Variants in PEX7 observed in about 807,000 individuals in gnomAD.
The protein encoded by PEX7 is PTS2 receptor.
Under a neutral mutation model 47.5 loss-of-function variants are expected in PEX7, and 34 were observed. That is an observed-to-expected ratio of 0.72 (90% CI 0.54 to 0.95). PEX7 has a LOEUF of 0.95. PEX7 is among the 40% of genes least tolerant of loss of function. PEX7 has a pLI of 0.00. For missense variants in PEX7, 394 were observed against 400.3 expected (o/e 0.98, Z 0.13); for synonymous variants, 141 against 148.8 (o/e 0.95, Z 0.38).
chr6:136,878,110 A>G (rs933230684), intron 8 of PEX7, among the ~76,000 whole-genome samples: 10 of 151,994 alleles, frequency 6.6e-5, no homozygotes, highest in South Asian at 6.2e-4. Flanking sequence ...GTGTTTGTCT[A>G]TTATTGGTGC....
At chr6:136,860,027 A>AC (rs908401395) in intron 5 of PEX7, among the ~76,000 whole-genome samples, 2 of 151,756 alleles carry the variant, frequency 1.3e-5, no homozygotes, top group African/African-American at 4.8e-5. Context: ...AAAAAAAAAA[A>AC]GAAAAAAAAA....
At chr6:136,828,251 A>G (rs1774233427) in intron 3 of PEX7, among the ~76,000 whole-genome samples, 1 of 152,214 alleles carries the variant, frequency 6.6e-6, no homozygotes, top group Non-Finnish European at 1.5e-5. Flanking sequence ...GAGATAAGTA[A>G]GTAATGAATA....
Position 136,900,081 on chromosome 6 carries a change from G to A in PEX7, c.903+1840G>A, listed in dbSNP as rs192432795. ...TAGAACCTGTGGCAGCAGCTGCAGC[G>A]CCTCCATTTCCTCAGCTATGGCGCT... On this transcript the variant is annotated intron_variant, in intron 9 of 9. Coordinates refer to ENST00000318471, the MANE Select transcript of PEX7 (RefSeq NM_000288.4). The surrounding 1 kb of genome is among the most constrained non-coding windows in gnomAD (Gnocchi z 4.2). 1.2e-3 allele frequency among the ~76,000 whole-genome samples: 177 copies of A among 152,280 alleles called. No homozygotes were observed. Among genetic ancestry groups the A allele is most frequent in the African/African-American group, 3.1e-3 (130 of 41,556 alleles).
At chr6:136,859,830 C>T (rs1774925182) in intron 5 of PEX7, among the ~76,000 whole-genome samples, 1 of 152,042 alleles carries the variant, frequency 6.6e-6, no homozygotes. Flanking sequence ...TGAGACCAGC[C>T]TGACCAACAT....
chr6:136,861,758 A>G (rs893356374), intron 5 of PEX7, among the ~76,000 whole-genome samples: 1 of 151,496 alleles, frequency 6.6e-6, no homozygotes, highest in Non-Finnish European at 1.5e-5. Context: ...GCCCCAGGAC[A>G]CATTCTGTTT....
Position 136,900,449 on chromosome 6 carries a change from G to T in PEX7, c.903+2208G>T. On this transcript the variant is annotated intron_variant, in intron 9 of 9. Coordinates refer to ENST00000318471, the MANE Select transcript of PEX7 (RefSeq NM_000288.4). The surrounding 1 kb of genome is among the most constrained non-coding windows in gnomAD (Gnocchi z 4.2). Reference sequence around the variant, plus strand: ...TTGGCAGTGTGAGCCACAGACTTGGGACCAAGGACATTGCCCCCCCAGTGA... The same window carrying T: ...TTGGCAGTGTGAGCCACAGACTTGGTACCAAGGACATTGCCCCCCCAGTGA... 1 of 448,082 alleles carries T rather than the reference G, an allele frequency of 2.2e-6. No individual in the cohort carries two copies. The highest frequency in any genetic ancestry group is 1.7e-5 in the South Asian group (1 of 58,870). The allele number at this position is 448,082 out of a possible 1,614,324, so 27.8% of individuals were successfully genotyped here.
chr6:136,862,087 G>C (rs986353433), intron 5 of PEX7, among the ~76,000 whole-genome samples: 8 of 139,342 alleles, frequency 5.7e-5, no homozygotes, highest in South Asian at 2.2e-4. Context: ...TTTTTGGGGG[G>C]ACAGAAACTT....
chr6:136,903,869 A>G (rs1193226381), intron 9 of PEX7, among the ~76,000 whole-genome samples: 1 of 147,212 alleles, frequency 6.8e-6, no homozygotes, highest in Non-Finnish European at 1.5e-5. Flanking sequence ...ATGAGGTCTC[A>G]CTGTGTTGCC....
At chr6:136,828,515 A>T (rs757572120) in intron 3 of PEX7, among the ~76,000 whole-genome samples, 2 of 152,228 alleles carry the variant, frequency 1.3e-5, no homozygotes, top group African/African-American at 4.8e-5. Flanking sequence ...AAGTGGCAAG[A>T]CCAGGTCCAG....
At chr6:136,880,122 C>G (rs1025741888) in intron 8 of PEX7, among the ~76,000 whole-genome samples, 25 of 150,560 alleles carry the variant, frequency 1.7e-4, no homozygotes, top group African/African-American at 6.1e-4. Context: ...TTCTACTTCA[C>G]TATTTTTTTT....
Position 136,846,703 on chromosome 6 carries a change from A to G in PEX7, c.526+522A>G, listed in dbSNP as rs532199782. Among the ~76,000 whole-genome samples the G allele has an allele frequency of 8.5e-5, 13 of 152,278 alleles. No individual in the cohort carries two copies. The East Asian group carries it at 2.3e-3, about 27-fold the overall frequency. On this transcript the variant is annotated intron_variant, in intron 5 of 9. Coordinates refer to ENST00000318471, the MANE Select transcript of PEX7 (RefSeq NM_000288.4). ...CTTTTTTATGGCTGCATAGTATTCC[A>G]TGGTGTATATGTGCCACATTTTCTT...
At chr6:136,882,175 CTTTTTTTTTTTTT>C (rs35653586) in intron 8 of PEX7, among the ~76,000 whole-genome samples, 1 of 104,324 alleles carries the variant, frequency 9.6e-6, no homozygotes, top group African/African-American at 3.8e-5. Flanking sequence ...TCTTCTTCTT[CTTTTTTTTTTTTT>C]TTTTTTTTTG....
chr6:136,888,027 T>A (rs141523322), intron 8 of PEX7, among the ~76,000 whole-genome samples: 1 of 152,194 alleles, frequency 6.6e-6, no homozygotes, highest in African/African-American at 2.4e-5. Context: ...TTGATCCTTA[T>A]GTTTATTAGC....
chr6:136,894,458 C>T (rs1364511962), intron 8 of PEX7, among the ~76,000 whole-genome samples: 5 of 152,136 alleles, frequency 3.3e-5, no homozygotes, highest in East Asian at 1.9e-4. Context: ...AGCGTAGTGG[C>T]GTGCGCCTGT....
chr6:136,850,290 G>T (rs920035402), intron 5 of PEX7, among the ~76,000 whole-genome samples: 3 of 152,028 alleles, frequency 2.0e-5, no homozygotes, highest in Non-Finnish European at 4.4e-5. Context: ...ACAGCCCACT[G>T]ATGGGTCTTG....
Position 136,855,608 on chromosome 6 carries a change from G to A in PEX7, c.526+9427G>A, listed in dbSNP as rs1582750959. 2.5e-5 allele frequency: 5 copies of A among 198,506 alleles called. No individual in the cohort carries two copies. In the South Asian group the frequency reaches 2.9e-4, roughly 11 times the overall value. 12.3% of individuals were successfully genotyped at this position (198,506 alleles called of 1,614,324 possible). A position where few individuals can be genotyped will look rare whatever the true frequency, so the allele number is the denominator to read the frequency against. On this transcript the variant is annotated intron_variant, in intron 5 of 9. Transcript: ENST00000318471. ...GCCTGCCTTGGCCTCCCAAAGTGCTGGGAGTATAGGCATGAGCCACCGTGC... is the reference window on the plus strand; with the variant it reads ...GCCTGCCTTGGCCTCCCAAAGTGCTAGGAGTATAGGCATGAGCCACCGTGC...
intron 8 of PEX7, among the ~76,000 whole-genome samples, chr6:136,895,951 T>C (rs190549604): frequency 1.8e-3 from 263 of 149,646 alleles, no homozygotes; most frequent in African/African-American, 5.9e-3. Context: ...TGACTACCCA[T>C]TAGCTGTATA....
intron 8 of PEX7, among the ~76,000 whole-genome samples, chr6:136,875,965 T>C (rs1775263337): frequency 6.6e-6 from 1 of 152,194 alleles, no homozygotes; most frequent in South Asian, 2.1e-4. Flanking sequence ...CTCGCTTTCA[T>C]ACTGTGTTTA....
intron 2 of PEX7, among the ~76,000 whole-genome samples, chr6:136,826,081 T>G (rs1774184127): frequency 6.6e-6 from 1 of 152,242 alleles, no homozygotes; most frequent in African/African-American, 2.4e-5. Context: ...TGTGTACTAT[T>G]ACATTTTTGG....
Sources: allele counts gnomAD v4.1 joint callset (sites outside exome capture counted in the v4.1 genomes callset), GRCh38; gene constraint gnomAD v4.1.1; non-coding constraint Gnocchi (gnomAD v3.1); transcripts MANE v1.5; gene names NCBI Gene and HGNC (gene_info 2026-07-23, HGNC 2026-07-21).